The following SERPINB9 variants were observed in gnomAD, a reference collection of about 807,000 sequenced individuals.
SERPINB9 encodes the protein serpin B9.
SERPINB9 carries 20 observed loss-of-function variants against 27.2 expected under a neutral mutation model. The observed-to-expected ratio is 0.74, with a 90% CI of 0.52 to 1.07. The LOEUF is 1.07. Among genes scored for constraint, SERPINB9 ranks in the 50% least tolerant of loss-of-function variants. SERPINB9 has a pLI of 0.00. For synonymous variants in SERPINB9, 189 were observed against 180.0 expected (o/e 1.05, Z -0.40); for missense variants, 476 against 460.1 (o/e 1.03, Z -0.32).
rs1043375721 is a variant in SERPINB9 at position 2,889,596 on chromosome 6, G to A, written c.*567C>T. On this transcript the variant is annotated 3_prime_UTR_variant, in exon 7 of 7. Transcript: ENST00000380698. ...TGTAGTCCCAGCTACTCGGGAGGCT[G>A]AGGCAGGAGAATGGCGTGAACCCGG... 2 of 151,500 alleles carry A rather than the reference G, an allele frequency of 1.3e-5. No homozygotes were observed. The highest frequency in any genetic ancestry group is 4.9e-5 in the African/African-American group (2 of 41,172). 9.4% of individuals were successfully genotyped at this position (151,500 alleles called of 1,614,324 possible). A position where few individuals can be genotyped will look rare whatever the true frequency, so the allele number is the denominator to read the frequency against.
chr6:2,893,677 T>C, intron 4 of SERPINB9, 124 bp from the exon 5 acceptor site: 1 of 763,088 alleles, frequency 1.3e-6, no homozygotes, highest in Non-Finnish European at 2.1e-6. Flanking sequence ...TGGGTTGTTA[T>C]GTAGAGAAAT....
At position 2,889,915 on chromosome 6, in the gene SERPINB9, A is replaced by G; in HGVS notation, c.*248T>C. On this transcript the variant is annotated 3_prime_UTR_variant, in exon 7 of 7. Transcript: ENST00000380698. ...CTAGAAGAACTTTGCTTGCCATCCT[A>G]TGGGATTTGGACTGCAATTTTAATA... 1.3e-5 allele frequency: 5 copies of G among 384,204 alleles called. No individual in the cohort carries two copies. The highest frequency in any genetic ancestry group is 3.9e-5 in the African/African-American group (2 of 50,638). The allele number at this position is 384,204 out of a possible 1,614,324, so 23.8% of individuals were successfully genotyped here.
chr6:2,890,040 G>C lies in SERPINB9; in HGVS notation c.*123C>G, dbSNP rs889219242. The C allele has an allele frequency of 3.1e-5, 26 of 842,800 alleles. No homozygotes were observed. The Admixed American group carries it at 6.3e-4, about 21-fold the overall frequency. 52.2% of individuals were successfully genotyped at this position (842,800 alleles called of 1,614,324 possible). A position where few individuals can be genotyped will look rare whatever the true frequency, so the allele number is the denominator to read the frequency against. ...TTCATGCTGGCAAATCATGAGGGCA[G>C]ACAGGTAAAGAATCTGCCCTCATCT... is the stretch of plus-strand genomic sequence containing the variant. On this transcript the variant is annotated 3_prime_UTR_variant, in exon 7 of 7. Transcript: ENST00000380698. The surrounding 1 kb of genome is among the most constrained non-coding windows in gnomAD (Gnocchi z 6.2).
At position 2,889,577 on chromosome 6, in the gene SERPINB9, C is replaced by T. The variant is rs1403347120; in HGVS notation, c.*586G>A. On this transcript the variant is annotated 3_prime_UTR_variant, in exon 7 of 7. Coordinates refer to ENST00000380698, the MANE Select transcript of SERPINB9 (RefSeq NM_004155.6). ...GGGCGTGGTGGCGGGCGCCTGTAGT[C>T]CCAGCTACTCGGGAGGCTGAGGCAG... The T allele has an allele frequency of 6.6e-6, 1 of 151,618 alleles. No homozygotes were observed. The highest frequency in any genetic ancestry group is 2.4e-5 in the African/African-American group (1 of 41,196). The allele number at this position is 151,618 out of a possible 1,614,324, so 9.4% of individuals were successfully genotyped here. A position where few individuals can be genotyped will look rare whatever the true frequency, so the allele number is the denominator to read the frequency against.
At chr6:2,900,834 G>C (rs1768172139) in intron 1 of SERPINB9, among the ~76,000 whole-genome samples, 1 of 150,960 alleles carries the variant, frequency 6.6e-6, no homozygotes. Flanking sequence ...GATGGCAGCA[G>C]CTCAAACCAG....
rs1004670899 is a variant in SERPINB9 at position 2,891,037 on chromosome 6, T to C, written c.724-467A>G. On this transcript the variant is annotated intron_variant, in intron 6 of 6. Transcript: ENST00000380698. The surrounding 1 kb of genome is among the most constrained non-coding windows in gnomAD (Gnocchi z 4.0). ...GAGCAGAGAGGTTACCAGAGGATTA[T>C]CTGCCCCAGAGAGATTCTGCATAGT... is the stretch of plus-strand genomic sequence containing the variant. 3.9e-5 allele frequency among the ~76,000 whole-genome samples: 6 copies of C among 152,238 alleles called. No homozygotes were observed. Among genetic ancestry groups the C allele is most frequent in the African/African-American group, 1.4e-4 (6 of 41,456 alleles).
In SERPINB9 at chr6:2,890,943, G is replaced by A. The variant is rs1478979329; in HGVS notation, c.724-373C>T. 2.0e-5 allele frequency among the ~76,000 whole-genome samples: 3 copies of A among 152,048 alleles called. No homozygotes were observed. The highest frequency in any genetic ancestry group is 4.4e-5 in the Non-Finnish European group (3 of 68,000). On this transcript the variant is annotated intron_variant, in intron 6 of 6. Transcript: ENST00000380698. The surrounding 1 kb of genome is among the most constrained non-coding windows in gnomAD (Gnocchi z 6.2). ...GCTAGTAAAGAAAAGGATTGGAAACGAAAGGGCTCTCAGTGTGAGCCACTC... is the reference window on the plus strand; with the variant it reads ...GCTAGTAAAGAAAAGGATTGGAAACAAAAGGGCTCTCAGTGTGAGCCACTC...
At chr6:2,893,053 C>CGTTTTTTTTT (rs542385110) in intron 5 of SERPINB9, among the ~76,000 whole-genome samples, 1 of 113,536 alleles carries the variant, frequency 8.8e-6, no homozygotes, top group Non-Finnish European at 1.8e-5. Flanking sequence ...TACCTTAACA[C>CGTTTTTTTTT]TTTTTTTTTT....
chr6:2,897,961 T>G lies in SERPINB9; in HGVS notation c.169-1771A>C, dbSNP rs138249034. ...GACATGTGCCTGTAATCCCAGCTAC[T>G]CGGGAGGCTGAGGCAGGAGAATCAC... On this transcript the variant is annotated intron_variant, in intron 2 of 6. Coordinates refer to ENST00000380698, the MANE Select transcript of SERPINB9 (RefSeq NM_004155.6). Among the ~76,000 whole-genome samples, 359 of 152,248 alleles carry G rather than the reference T, an allele frequency of 2.4e-3. 1 individual carries two copies. The highest frequency in any genetic ancestry group is 4.2e-3 in the Non-Finnish European group (287 of 68,026).
chr6:2,890,715 G>A lies in SERPINB9; in HGVS notation c.724-145C>T. The A allele has an allele frequency of 1.3e-6, 1 of 751,110 alleles. No homozygotes were observed. Among genetic ancestry groups the A allele is most frequent in the Non-Finnish European group, 2.1e-6 (1 of 465,690 alleles). The allele number at this position is 751,110 out of a possible 1,614,324, so 46.5% of individuals were successfully genotyped here. ...TGGCCCCTTCATCTGCCAGAAGCTT[G>A]TGAGCACTCTTACTTGTCCTATGTC... is the stretch of plus-strand genomic sequence containing the variant. On this transcript the variant is annotated intron_variant, in intron 6 of 6. Transcript: ENST00000380698. The surrounding 1 kb of genome is among the most constrained non-coding windows in gnomAD (Gnocchi z 6.2).
In SERPINB9 at chr6:2,895,377, C is replaced by G; in HGVS notation, c.424+14G>C. 1 of 1,574,886 alleles carries G rather than the reference C, an allele frequency of 6.3e-7. No homozygotes were observed. ...ACGGGTTGGGAGGAAGGTGCAATAA[C>G]TTGTCATTCTGACCTTCGGTCTTTT... On this transcript the variant is annotated intron_variant, in intron 4 of 6. Coordinates refer to ENST00000380698, the MANE Select transcript of SERPINB9 (RefSeq NM_004155.6).
intron 2 of SERPINB9, among the ~76,000 whole-genome samples, chr6:2,899,218 A>C (rs1225064748): frequency 6.6e-6 from 1 of 152,176 alleles, no homozygotes; most frequent in Non-Finnish European, 1.5e-5. Flanking sequence ...CAGCATAAGG[A>C]ACTTCAGAAT....
intron 2 of SERPINB9, among the ~76,000 whole-genome samples, chr6:2,897,120 T>G: frequency 7.8e-6 from 1 of 128,922 alleles, no homozygotes; most frequent in African/African-American, 3.1e-5. Flanking sequence ...AGCAAGACCA[T>G]GTCAAAAAAA....
intron 2 of SERPINB9, among the ~76,000 whole-genome samples, chr6:2,897,699 A>C (rs1433138354): frequency 1.3e-5 from 2 of 152,224 alleles, no homozygotes; most frequent in Non-Finnish European, 2.9e-5. Flanking sequence ...ACACAAAATG[A>C]TCAATGAATC....
At chr6:2,900,289 T>C (rs1165833753) in intron 2 of SERPINB9, among the ~76,000 whole-genome samples, 155 bp downstream of exon 2, 1 of 152,108 alleles carries the variant, frequency 6.6e-6, no homozygotes, top group East Asian at 1.9e-4. Context: ...GCCCCACTTC[T>C]TCCCCAGTGG....
chr6:2,890,045 G>T lies in SERPINB9; in HGVS notation c.*118C>A. The T allele has an allele frequency of 1.1e-6, 1 of 905,696 alleles. No homozygotes were observed. Among genetic ancestry groups the T allele is most frequent in the Non-Finnish European group, 1.7e-6 (1 of 603,706 alleles). The allele number at this position is 905,696 out of a possible 1,614,324, so 56.1% of individuals were successfully genotyped here. A position where few individuals can be genotyped will look rare whatever the true frequency, so the allele number is the denominator to read the frequency against. ...GCTGGCAAATCATGAGGGCAGACAG[G>T]TAAAGAATCTGCCCTCATCTTTGCA... On this transcript the variant is annotated 3_prime_UTR_variant, in exon 7 of 7. Transcript: ENST00000380698. This position sits in a 1 kb window ranked among gnomAD's most constrained non-coding sequence, Gnocchi z 6.2.
At chr6:2,892,340 A>G (rs1767839665) in intron 5 of SERPINB9, among the ~76,000 whole-genome samples, 1 of 152,164 alleles carries the variant, frequency 6.6e-6, no homozygotes, top group Non-Finnish European at 1.5e-5. Flanking sequence ...TTAATTAGAA[A>G]AAAATGTGTA....
rs181449960 is a variant in SERPINB9 at position 2,887,656 on chromosome 6, G to C, written c.*2507C>G. 36 of 152,070 alleles carry C rather than the reference G, an allele frequency of 2.4e-4. No homozygotes were observed. The highest frequency in any genetic ancestry group is 7.7e-4 in the African/African-American group (32 of 41,458). 9.4% of individuals were successfully genotyped at this position (152,070 alleles called of 1,614,324 possible). ...GAGGCCAGGAGTTCAAGACCAACAC[G>C]GCCAATGTGGCGAAACCCCGTCTCT... On this transcript the variant is annotated 3_prime_UTR_variant, in exon 7 of 7. Coordinates refer to ENST00000380698, the MANE Select transcript of SERPINB9 (RefSeq NM_004155.6).
In SERPINB9 at chr6:2,889,083, G is replaced by A. The variant is rs1733989320; in HGVS notation, c.*1080C>T. 1 of 152,160 alleles carries A rather than the reference G, an allele frequency of 6.6e-6. No homozygotes were observed. Among genetic ancestry groups the A allele is most frequent in the Non-Finnish European group, 1.5e-5 (1 of 68,040 alleles). The allele number at this position is 152,160 out of a possible 1,614,324, so 9.4% of individuals were successfully genotyped here. On this transcript the variant is annotated 3_prime_UTR_variant, in exon 7 of 7. Coordinates refer to ENST00000380698, the MANE Select transcript of SERPINB9 (RefSeq NM_004155.6). ...CCAAGTACAAAGAGAGTTCAAATAT[G>A]TACATCTGGTTGCGGAGAAAGGAAA...
Sources: allele counts gnomAD v4.1 joint callset (sites outside exome capture counted in the v4.1 genomes callset), GRCh38; gene constraint gnomAD v4.1.1; non-coding constraint Gnocchi (gnomAD v3.1); transcripts MANE v1.5; gene names NCBI Gene and HGNC (gene_info 2026-07-23, HGNC 2026-07-21).